The following C17orf78 variants were observed in gnomAD, a reference collection of about 807,000 sequenced individuals.
The protein encoded by C17orf78 is uncharacterized protein C17orf78.
Under a neutral mutation model 31.8 loss-of-function variants are expected in C17orf78, and 27 were observed. The observed-to-expected ratio is 0.85, with a 90% CI of 0.63 to 1.17. The LOEUF (loss-of-function observed/expected upper bound fraction) is 1.17. Ranked by LOEUF, C17orf78 falls within the 50% of genes most tolerant of loss-of-function variation. The pLI, the probability that C17orf78 is intolerant of heterozygous loss-of-function variation, is 0.00. For missense variants in C17orf78, 258 were observed against 315.2 expected, an observed-to-expected ratio of 0.82 and a Z score of 1.37; for synonymous variants, 106 against 115.1, an observed-to-expected ratio of 0.92 and a Z score of 0.51.
intron 3 of C17orf78, among the ~76,000 whole-genome samples, chr17:37,380,255 T>C (rs965445232): frequency 2.0e-4 from 25 of 122,022 alleles, no homozygotes; most frequent in Admixed American, 1.7e-3. Flanking sequence ...AAGGGGAACA[T>C]CAGACTCTGG....
chr17:37,389,549 A>ACTT (rs1275470740), intron 6 of C17orf78, among the ~76,000 whole-genome samples, 187 bp downstream of exon 6: 1 of 151,936 alleles, frequency 6.6e-6, no homozygotes, highest in Non-Finnish European at 1.5e-5. Flanking sequence ...AAAATTAGCC[A>ACTT]GGTGGCACAT....
At chr17:37,377,306 T>C (rs1464750747) in intron 1 of C17orf78, among the ~76,000 whole-genome samples, 1 of 152,162 alleles carries the variant, frequency 6.6e-6, no homozygotes, top group Non-Finnish European at 1.5e-5. Context: ...GGTAATAGAT[T>C]GGTACACAGT....
At position 37,391,893 on chromosome 17, in the gene C17orf78, T is replaced by C; in HGVS notation, c.*169T>C. The C allele has an allele frequency of 1.6e-6, 1 of 632,696 alleles. No individual in the cohort carries two copies. Among genetic ancestry groups the C allele is most frequent in the Non-Finnish European group, 2.8e-6 (1 of 360,658 alleles). The allele number at this position is 632,696 out of a possible 1,614,324, so 39.2% of individuals were successfully genotyped here. A position where few individuals can be genotyped will look rare whatever the true frequency, so the allele number is the denominator to read the frequency against. ...TGTGGGCTTAGCAGAGTTACCCTCA[T>C]GCCCCTATCTGAGCCACAACCTTCT... On this transcript the variant is annotated 3_prime_UTR_variant, in exon 7 of 7. Transcript: ENST00000615133.
chr17:37,376,664 G>T (rs1329224703), intron 1 of C17orf78, among the ~76,000 whole-genome samples: 2 of 152,078 alleles, frequency 1.3e-5, no homozygotes, highest in Admixed American at 1.3e-4. Context: ...TCTAAAATTA[G>T]CTAATCAAGG....
rs1482644485 is a variant in C17orf78 at position 37,389,328 on chromosome 17, C to T, written c.716C>T (p.Thr239Ile). The part of the protein sequence containing the change: ...WQKKGGQPPG[T>I]AESKPDSQPQ... ...AAGAAGGGAGGCCAGCCACCTGGGA[C>T]AGCTGAATCCAAGCCTGACTCTCAG... The change falls in exon 6 of 7, where the codon ACA becomes ATA. Residue 239 changes from threonine to isoleucine, a missense_variant. Physicochemically the swap from Thr to Ile is moderately conservative, Grantham distance 89 (BLOSUM62 -1). Coordinates refer to ENST00000615133, the MANE Select transcript of C17orf78 (RefSeq NM_173625.5). 8 of 1,593,310 alleles carry T rather than the reference C, an allele frequency of 5.0e-6. No homozygotes were observed. The highest frequency in any genetic ancestry group is 6.8e-6 in the Non-Finnish European group (8 of 1,170,010).
At chr17:37,376,773 G>C (rs1376128200) in intron 1 of C17orf78, among the ~76,000 whole-genome samples, 1 of 152,066 alleles carries the variant, frequency 6.6e-6, no homozygotes, top group Admixed American at 6.6e-5. Flanking sequence ...TGGCCAACAT[G>C]GCGAAACCCC....
At chr17:37,383,542 C>T (rs544130478) in intron 3 of C17orf78, among the ~76,000 whole-genome samples, 27 of 152,174 alleles carry the variant, frequency 1.8e-4, no homozygotes, top group Non-Finnish European at 3.4e-4. Context: ...AATGATGAAT[C>T]CCAAAAAACC....
intron 3 of C17orf78, among the ~76,000 whole-genome samples, chr17:37,381,873 C>A (rs369154486): frequency 1.3e-5 from 2 of 152,086 alleles, no homozygotes; most frequent in African/African-American, 2.4e-5. Flanking sequence ...GTGATCTGCC[C>A]GCCTTGGCCT....
chr17:37,381,679 G>C (rs936252497), intron 3 of C17orf78, among the ~76,000 whole-genome samples: 1 of 144,838 alleles, frequency 6.9e-6, no homozygotes, highest in Non-Finnish European at 1.5e-5. Context: ...CCAGGCTGGA[G>C]TGCAGTGGTG....
At chr17:37,390,046 G>T (rs1254141454) in intron 6 of C17orf78, among the ~76,000 whole-genome samples, 1 of 141,164 alleles carries the variant, frequency 7.1e-6, no homozygotes, top group Non-Finnish European at 1.5e-5. Flanking sequence ...AGTGCTTTGG[G>T]AGGCAGAGGC....
chr17:37,390,636 G>GAA (rs566942621), intron 6 of C17orf78, among the ~76,000 whole-genome samples: 1 of 133,756 alleles, frequency 7.5e-6, no homozygotes. Flanking sequence ...CAAAAAGAGA[G>GAA]AAAAAAAAAA....
In C17orf78 at chr17:37,379,320, C is replaced by T. The variant is rs774830605; in HGVS notation, c.329C>T (p.Ser110Phe). The T allele has an allele frequency of 1.9e-6, 3 of 1,613,812 alleles. No homozygotes were observed. The highest frequency in any genetic ancestry group is 2.7e-5 in the African/African-American group (2 of 74,928). Reference protein sequence around the residue: ...IAAPRRNSSASSSCHLIPTSK... With the variant: ...IAAPRRNSSAFSSCHLIPTSK... ...GCTCCCCGCAGAAACAGCTCTGCCT[C>T]CTCAAGCTGTCACCTAATCCCCACA... The change falls in exon 3 of 7, where the codon TCC (serine) becomes TTC (phenylalanine). Residue 110 changes from serine (S) to phenylalanine (F), a missense_variant. Physicochemically the swap from Ser to Phe is radical, Grantham distance 155 (BLOSUM62 -2). Coordinates refer to ENST00000615133, the MANE Select transcript of C17orf78 (RefSeq NM_173625.5).
In C17orf78 at chr17:37,390,175, T is replaced by TATAC. The variant is rs60788220; in HGVS notation, c.750+814_750+815insTACA. Among the ~76,000 whole-genome samples the TATAC allele has an allele frequency of 1.1e-3, 51 of 44,500 alleles. 2 individuals carry two copies. The highest frequency in any genetic ancestry group is 2.1e-3 in the African/African-American group (18 of 8,588). 29.2% of individuals were successfully genotyped at this position (44,500 alleles called of 152,430 possible). ...ATATATATATATATATATATATATATACACACACACATTATATATAAATAT... is the reference window on the plus strand; with the variant it reads ...ATATATATATATATATATATATATATATACACACACACACATTATATATAAATAT... On this transcript the variant is annotated intron_variant, in intron 6 of 6. Coordinates refer to ENST00000615133, the MANE Select transcript of C17orf78 (RefSeq NM_173625.5).
At chr17:37,388,824 A>G in intron 5 of C17orf78, 30 bp downstream of exon 5, 1 of 1,610,462 alleles carries the variant, frequency 6.2e-7, no homozygotes, top group Non-Finnish European at 8.5e-7. Context: ...GAATCCTTGA[A>G]CTTGACCCAT....
chr17:37,391,162 C>T lies in C17orf78; in HGVS notation c.751-485C>T, dbSNP rs559581744. ...CTGAGGCAGGATAATCGCTTGAACCCGGGAGGCACAGGCTGCGGTGAGCTG... is the reference window on the plus strand; with the variant it reads ...CTGAGGCAGGATAATCGCTTGAACCTGGGAGGCACAGGCTGCGGTGAGCTG... On this transcript the variant is annotated intron_variant, in intron 6 of 6. Coordinates refer to ENST00000615133, the MANE Select transcript of C17orf78 (RefSeq NM_173625.5). Among the ~76,000 whole-genome samples, 57 of 152,208 alleles carry T rather than the reference C, an allele frequency of 3.7e-4. No individual in the cohort carries two copies. In the South Asian group the frequency reaches 0.01, roughly 28 times the overall value.
At chr17:37,390,620 C>T (rs1411400558) in intron 6 of C17orf78, among the ~76,000 whole-genome samples, 2 of 149,488 alleles carry the variant, frequency 1.3e-5, no homozygotes, top group African/African-American at 4.9e-5. Flanking sequence ...GAGCAAGACT[C>T]CGTCTCAAAA....
intron 3 of C17orf78, among the ~76,000 whole-genome samples, chr17:37,381,667 G>A (rs1179396278): frequency 4.2e-5 from 5 of 120,172 alleles, no homozygotes; most frequent in African/African-American, 9.7e-5. Context: ...TCGCTCCGTT[G>A]CCCAGGCTGG....
At chr17:37,381,364 T>G (rs1330563232) in intron 3 of C17orf78, among the ~76,000 whole-genome samples, 1 of 151,846 alleles carries the variant, frequency 6.6e-6, no homozygotes, top group African/African-American at 2.4e-5. Flanking sequence ...TTCTGTATTT[T>G]TAGTAGAGAC....
intron 6 of C17orf78, among the ~76,000 whole-genome samples, chr17:37,390,325 T>C (rs1318000970): frequency 1.4e-5 from 1 of 71,118 alleles, no homozygotes; most frequent in Non-Finnish European, 2.3e-5. Context: ...TATATATATA[T>C]ATATATATAA....
Sources: gnomAD v4.1 joint callset for allele counts (sites outside exome capture counted in the v4.1 genomes callset) on GRCh38, gnomAD v4.1.1 for gene constraint, MANE v1.5 for transcripts, NCBI Gene and HGNC (gene_info 2026-07-23, HGNC 2026-07-21) for gene names.